SYNPR: variants seen among roughly 807,000 people sequenced by gnomAD.
The protein encoded by SYNPR is synaptoporin.
SYNPR carries 23 observed loss-of-function variants against 32.9 expected under a neutral mutation model. The ratio of observed to expected loss-of-function variants is 0.70; its 90% CI spans 0.50 to 0.99. The LOEUF is 0.99. SYNPR is among the 50% of genes least tolerant of loss of function. The pLI is 0.00. For missense variants in SYNPR, 318 were observed against 349.3 expected (o/e 0.91, Z 0.71); for synonymous variants, 146 against 135.9 (o/e 1.07, Z -0.52).
chr3:63,381,862 T>C (rs2087975302), intron 2 of SYNPR, among the ~76,000 whole-genome samples: 1 of 152,238 alleles, frequency 6.6e-6, no homozygotes. Flanking sequence ...TGATTTACAC[T>C]AATGCTTTTA....
chr3:63,339,547 T>G (rs576829591), intron 2 of SYNPR, among the ~76,000 whole-genome samples: 2 of 152,360 alleles, frequency 1.3e-5, no homozygotes, highest in East Asian at 3.9e-4. Context: ...TTTACTTGTA[T>G]TAATTTGTGC....
chr3:63,548,374 G>T (rs1274303427), intron 3 of SYNPR, among the ~76,000 whole-genome samples: 1 of 151,844 alleles, frequency 6.6e-6, no homozygotes, highest in Non-Finnish European at 1.5e-5. Flanking sequence ...ATAATGTTGG[G>T]GGGCTACTTG....
intron 2 of SYNPR, among the ~76,000 whole-genome samples, chr3:63,433,501 T>C (rs531661137): frequency 5.3e-5 from 8 of 152,326 alleles, no homozygotes; most frequent in Non-Finnish European, 1.0e-4. Context: ...CCTGCAGTAA[T>C]ACATAATCAA....
chr3:63,322,880 T>C (rs936801462), intron 2 of SYNPR, among the ~76,000 whole-genome samples: 3 of 152,080 alleles, frequency 2.0e-5, no homozygotes, highest in African/African-American at 7.2e-5. Context: ...AAATCAAGAA[T>C]GCAGCAGCCT....
intron 2 of SYNPR, among the ~76,000 whole-genome samples, chr3:63,304,523 C>T (rs541934363): frequency 6.6e-6 from 1 of 152,086 alleles, no homozygotes; most frequent in African/African-American, 2.4e-5. Flanking sequence ...GCAGGGTATG[C>T]TACAACCTTT....
rs531942321 is a variant in SYNPR at position 63,513,211 on chromosome 3, G to GT, written c.209+32262dup. On this transcript the variant is annotated intron_variant, in intron 3 of 5. Transcript: ENST00000478300. ...GAGAATTTGTTGTCCATTTGTTTCT[G>GT]TTTTTTTGTTTGTTTGTTTTATTGA... 9.7e-5 allele frequency among the ~76,000 whole-genome samples: 12 copies of GT among 123,560 alleles called. No homozygotes were observed. The South Asian group carries it at 2.4e-3, about 25-fold the overall frequency. The allele number at this position is 123,560 out of a possible 152,430, so 81.1% of individuals were successfully genotyped here.
At chr3:63,437,906 G>A (rs1700113271) in intron 2 of SYNPR, among the ~76,000 whole-genome samples, 1 of 152,164 alleles carries the variant, frequency 6.6e-6, no homozygotes, top group Non-Finnish European at 1.5e-5. Context: ...TATTGATGGG[G>A]TCCATTAGTT....
intron 2 of SYNPR, among the ~76,000 whole-genome samples, chr3:63,313,016 G>C (rs12496556): frequency 0.44 from 66,549 of 151,758 alleles, 14,800 homozygotes; most frequent in Middle Eastern, 0.52. Context: ...ATTCTAGTTT[G>C]TTCCTTTGTT....
At chr3:63,280,517 A>T (rs2086618596) in intron 2 of SYNPR, among the ~76,000 whole-genome samples, 1 of 76,864 alleles carries the variant, frequency 1.3e-5, no homozygotes, top group Admixed American at 1.6e-4. Flanking sequence ...TCCAAGCCTA[A>T]AAAAAAAAAA....
chr3:63,537,085 T>C (rs1702222216), intron 3 of SYNPR, among the ~76,000 whole-genome samples: 1 of 152,072 alleles, frequency 6.6e-6, no homozygotes, highest in African/African-American at 2.4e-5. Flanking sequence ...ATATGATAGC[T>C]TACTGAAACG....
At chr3:63,515,263 A>C (rs1202225058) in intron 3 of SYNPR, among the ~76,000 whole-genome samples, 1 of 150,256 alleles carries the variant, frequency 6.7e-6, no homozygotes, top group Non-Finnish European at 1.5e-5. Context: ...TACTCTTCCT[A>C]CTCCCCCTCT....
intron 2 of SYNPR, among the ~76,000 whole-genome samples, chr3:63,407,197 A>G (rs1250187764): frequency 1.3e-5 from 2 of 152,224 alleles, no homozygotes; most frequent in Admixed American, 1.3e-4. Flanking sequence ...TTAGGACAGC[A>G]GTAATAATGA....
At chr3:63,308,508 GTA>G (rs1244364433) in intron 2 of SYNPR, among the ~76,000 whole-genome samples, 1 of 151,738 alleles carries the variant, frequency 6.6e-6, no homozygotes, top group African/African-American at 2.4e-5. Flanking sequence ...TCTGTTGGTG[GTA>G]TATGTTTTCA....
chr3:63,300,419 A>T (rs1479303556), intron 2 of SYNPR, among the ~76,000 whole-genome samples: 4 of 152,062 alleles, frequency 2.6e-5, no homozygotes, highest in Admixed American at 6.6e-5. Flanking sequence ...CATAGTGTTG[A>T]TATTCACCAA....
chr3:63,450,798 G>A (rs1700365559), intron 2 of SYNPR, among the ~76,000 whole-genome samples: 1 of 152,210 alleles, frequency 6.6e-6, no homozygotes, highest in South Asian at 2.1e-4. Flanking sequence ...GGCTTTGCCA[G>A]GAGATGGGGC....
At chr3:63,218,958 G>A in the SYNPR span, among the ~76,000 whole-genome samples, 2 of 152,184 alleles carry the variant, frequency 1.3e-5, no homozygotes, top group African/African-American at 4.8e-5. Flanking sequence ...GATGCTATAT[G>A]CAGGAATACA....
chr3:63,577,280 G>T (rs17069067), intron 4 of SYNPR, among the ~76,000 whole-genome samples: 5,819 of 152,234 alleles, frequency 0.038, 401 homozygotes, highest in African/African-American at 0.13. Context: ...ACAAACAATT[G>T]AATTGAGAAA....
At chr3:63,446,343 G>T (rs995635833) in intron 2 of SYNPR, among the ~76,000 whole-genome samples, 8 of 150,904 alleles carry the variant, frequency 5.3e-5, no homozygotes, top group African/African-American at 1.7e-4. Context: ...TAGCACTTCA[G>T]GTTGAATATT....
intron 2 of SYNPR, among the ~76,000 whole-genome samples, chr3:63,452,487 T>C (rs1559503449): frequency 6.6e-6 from 1 of 152,148 alleles, no homozygotes; most frequent in Non-Finnish European, 1.5e-5. Flanking sequence ...CTGAAGGGCA[T>C]AGACTCCATT....
Sources: allele counts gnomAD v4.1 joint callset (sites outside exome capture counted in the v4.1 genomes callset), GRCh38; gene constraint gnomAD v4.1.1; transcripts MANE v1.5; gene names NCBI Gene and HGNC (gene_info 2026-07-23, HGNC 2026-07-21).